KCNQ2: variants seen among roughly 807,000 people sequenced by gnomAD.
KCNQ2 encodes the protein potassium voltage-gated channel subfamily Q member 2.
A neutral mutation model predicts 84.8 loss-of-function variants in KCNQ2; 14 were observed. The observed-to-expected ratio is 0.17, with a 90% CI of 0.11 to 0.26. The LOEUF (loss-of-function observed/expected upper bound fraction) is 0.26, where lower values mean the gene tolerates loss of function less well. Ranked by LOEUF, KCNQ2 falls within the 10% of genes least tolerant of loss-of-function variation. The probability of loss-of-function intolerance (pLI) is 1.00; values close to 1 mark genes in which losing one functional copy is unlikely to be tolerated. For synonymous variants in KCNQ2, 599 were observed against 554.1 expected (o/e 1.08, Z -1.14); for missense variants, 788 against 1,254.0 (o/e 0.63, Z 5.61).
intron 1 of KCNQ2, among the ~76,000 whole-genome samples, chr20:63,452,169 C>T (rs1183772798): frequency 2.0e-5 from 3 of 151,374 alleles, no homozygotes; most frequent in African/African-American, 7.3e-5. Context: ...GATGAAGGCG[C>T]AGGGGCCAAA....
intron 1 of KCNQ2, among the ~76,000 whole-genome samples, chr20:63,449,714 T>A (rs1350539618): frequency 6.6e-6 from 1 of 152,176 alleles, no homozygotes; most frequent in Non-Finnish European, 1.5e-5. Flanking sequence ...CCCCAGCGTC[T>A]GAGCTCCTGG....
intron 5 of KCNQ2, 129 bp from the exon 6 acceptor site, chr20:63,439,837 C>A: frequency 1.3e-6 from 1 of 743,312 alleles, no homozygotes; most frequent in Non-Finnish European, 2.4e-6. Flanking sequence ...ACCATCCACA[C>A]GGAGGCCCAG....
rs1435016522 is a variant in KCNQ2 at position 63,442,761 on chromosome 20, CCACCAT to C, written c.691-236_691-231del. ...TCCACCATCACCACCATCACCATCA[CCACCAT>C]CACCATCACCACCACCACCATCACC... On this transcript the variant is annotated intron_variant, in intron 4 of 16. Transcript: ENST00000359125. Among the ~76,000 whole-genome samples, 52 of 77,970 alleles carry C rather than the reference CCACCAT, an allele frequency of 6.7e-4. 3 individuals carry two copies. Among genetic ancestry groups the C allele is most frequent in the South Asian group, 2.4e-3 (4 of 1,642 alleles). 51.2% of individuals were successfully genotyped at this position (77,970 alleles called of 152,430 possible).
chr20:63,471,750 C>A (rs1036218826), intron 1 of KCNQ2: 17 of 169,458 alleles, frequency 1.0e-4, no homozygotes, highest in African/African-American at 3.3e-4. Context: ...CAGACCCCTC[C>A]CCCCCGCCCT....
chr20:63,472,112 G>C (rs1369079806), intron 1 of KCNQ2, 56 bp downstream of exon 1: 9 of 1,301,378 alleles, frequency 6.9e-6, no homozygotes, highest in East Asian at 3.0e-5. Context: ...TCGCCGATGG[G>C]GTCGCCGATG....
rs6090406 is a variant in KCNQ2, at chr20:63,403,909, C to A, written c.*2735G>T. 6.6e-6 allele frequency: 1 copy of A among 152,278 alleles called. No individual in the cohort carries two copies. The highest frequency in any genetic ancestry group is 2.4e-5 in the African/African-American group (1 of 41,460). The allele number at this position is 152,278 out of a possible 1,614,324, so 9.4% of individuals were successfully genotyped here. ...CGCACCACCTCCAGCCTCCTTCCCG[C>A]TGCACTTCTCTGAGGTGGGGCAGTA... On this transcript the variant is annotated 3_prime_UTR_variant, in exon 17 of 17. Transcript: ENST00000359125.
At chr20:63,415,273 C>G in intron 12 of KCNQ2, 147 bp from the exon 13 acceptor site, 1 of 730,646 alleles carries the variant, frequency 1.4e-6, no homozygotes, top group Non-Finnish European at 2.4e-6. Flanking sequence ...ACACGGGTGG[C>G]TCAGAGCAGG....
At chr20:63,444,260 G>A (rs950043819) in intron 4 of KCNQ2, among the ~76,000 whole-genome samples, 5 of 152,216 alleles carry the variant, frequency 3.3e-5, no homozygotes, top group Non-Finnish European at 7.3e-5. Context: ...GACAGCGGCC[G>A]CCGCAAGCCG....
At position 63,406,405 on chromosome 20, in the gene KCNQ2, C is replaced by T. The variant is rs1023595633; in HGVS notation, c.*239G>A. 37 of 570,302 alleles carry T rather than the reference C, an allele frequency of 6.5e-5. No homozygotes were observed. The highest frequency in any genetic ancestry group is 4.9e-4 in the African/African-American group (26 of 53,276). The allele number at this position is 570,302 out of a possible 1,614,324, so 35.3% of individuals were successfully genotyped here. Reference sequence around the variant, plus strand: ...TGGACAGGGCAGCCTTGCTCCTGCACGCTGCTCCTGGAGCCACAGGGCCCT... The same window carrying T: ...TGGACAGGGCAGCCTTGCTCCTGCATGCTGCTCCTGGAGCCACAGGGCCCT... On this transcript the variant is annotated 3_prime_UTR_variant, in exon 17 of 17. Coordinates refer to ENST00000359125, the MANE Select transcript of KCNQ2 (RefSeq NM_172107.4).
chr20:63,428,496 CCTCT>C (rs2080699750), intron 9 of KCNQ2, 61 bp from the exon 10 acceptor site: 14 of 1,390,930 alleles, frequency 1.0e-5, no homozygotes, highest in Non-Finnish European at 1.4e-5. Flanking sequence ...GGGACACCTC[CCTCT>C]GCTTGCACAG....
rs2081431744 is a variant in KCNQ2 at position 63,446,537 on chromosome 20, T to G, written c.387+210A>C. Among the ~76,000 whole-genome samples the G allele has an allele frequency of 6.6e-6, 1 of 151,406 alleles. No individual in the cohort carries two copies. The highest frequency in any genetic ancestry group is 2.4e-5 in the African/African-American group (1 of 41,152). On this transcript the variant is annotated intron_variant, in intron 2 of 16. Coordinates refer to ENST00000359125, the MANE Select transcript of KCNQ2 (RefSeq NM_172107.4). The surrounding 1 kb of genome is among the most constrained non-coding windows in gnomAD (Gnocchi z 5.5). ...TGTGAGGTCACCAGGAGGGGTGAGG[T>G]GAGGGCTGAGTTACAGCCAGGGTGG...
chr20:63,463,556 C>G (rs527954826), intron 1 of KCNQ2: 1 of 152,250 alleles, frequency 6.6e-6, no homozygotes, highest in Admixed American at 6.5e-5. Flanking sequence ...ATTAACCAGG[C>G]GCCTCCGGCC....
intron 1 of KCNQ2, among the ~76,000 whole-genome samples, chr20:63,458,498 C>G (rs1025797586): frequency 5.3e-5 from 8 of 152,200 alleles, no homozygotes; most frequent in African/African-American, 1.9e-4. Context: ...GCCCCCTCAT[C>G]CCCCAGGCTT....
rs1198096764 is a variant in KCNQ2 at position 63,400,378 on chromosome 20, A to C, written c.*6266T>G. 2.6e-6 allele frequency: 1 copy of C among 377,458 alleles called. No individual in the cohort carries two copies. Among genetic ancestry groups the C allele is most frequent in the Non-Finnish European group, 4.7e-6 (1 of 213,396 alleles). The allele number at this position is 377,458 out of a possible 1,614,324, so 23.4% of individuals were successfully genotyped here. A position where few individuals can be genotyped will look rare whatever the true frequency, so the allele number is the denominator to read the frequency against. ...GGCGCATTCTTACGGCTCTGGCATC[A>C]ACCTGTCCGTGTGAGTAAGTTAATA... On this transcript the variant is annotated 3_prime_UTR_variant, in exon 17 of 17. Coordinates refer to ENST00000359125, the MANE Select transcript of KCNQ2 (RefSeq NM_172107.4). The surrounding 1 kb of genome is among the most constrained non-coding windows in gnomAD (Gnocchi z 8.7).
At chr20:63,411,541 G>A (rs1234869509) in intron 15 of KCNQ2, among the ~76,000 whole-genome samples, 1 of 152,214 alleles carries the variant, frequency 6.6e-6, no homozygotes, top group Admixed American at 6.5e-5. Flanking sequence ...CTTCCCCAGG[G>A]CACTTGTCGA....
At chr20:63,421,880 C>T (rs956110434) in intron 11 of KCNQ2, among the ~76,000 whole-genome samples, 1 of 152,114 alleles carries the variant, frequency 6.6e-6, no homozygotes, top group Non-Finnish European at 1.5e-5. Context: ...GCTCCCCACC[C>T]GACCCCAACG....
intron 4 of KCNQ2, among the ~76,000 whole-genome samples, chr20:63,442,942 C>T (rs1312524415): frequency 3.1e-5 from 3 of 97,834 alleles, no homozygotes; most frequent in South Asian, 3.7e-4. Flanking sequence ...TCACCACCAC[C>T]ATCACCATCA....
intron 2 of KCNQ2, 114 bp from the exon 3 acceptor site, chr20:63,445,478 C>T: frequency 3.2e-6 from 4 of 1,257,440 alleles, no homozygotes; most frequent in South Asian, 2.9e-5. Flanking sequence ...GGGCAGGAGG[C>T]CCCCAAAGGA....
At chr20:63,458,188 T>C (rs2081855220) in intron 1 of KCNQ2, among the ~76,000 whole-genome samples, 1 of 150,182 alleles carries the variant, frequency 6.7e-6, no homozygotes, top group Admixed American at 6.6e-5. Context: ...CACTCTCCAC[T>C]GCCCCATCCC....
Sources: allele counts gnomAD v4.1 joint callset (sites outside exome capture counted in the v4.1 genomes callset), GRCh38; gene constraint gnomAD v4.1.1; non-coding constraint Gnocchi (gnomAD v3.1); transcripts MANE v1.5; gene names NCBI Gene and HGNC (gene_info 2026-07-23, HGNC 2026-07-21).